SPOCK3: variants seen among roughly 807,000 people sequenced by gnomAD.
The protein encoded by SPOCK3 is SPARC (osteonectin), cwcv and kazal like domains proteoglycan 3.
A neutral mutation model predicts 56.6 loss-of-function variants in SPOCK3; 30 were observed. That is an observed-to-expected ratio of 0.53 (90% CI 0.40 to 0.72). The LOEUF (loss-of-function observed/expected upper bound fraction) is 0.72. SPOCK3 is among the 30% of genes least tolerant of loss of function. The pLI, the probability that SPOCK3 is intolerant of heterozygous loss-of-function variation, is 0.00. For missense variants in SPOCK3, 527 were observed against 530.0 expected (o/e 0.99, Z 0.06); for synonymous variants, 196 against 183.3 (o/e 1.07, Z -0.56).
intron 2 of SPOCK3, among the ~76,000 whole-genome samples, chr4:167,178,995 G>T (rs867975975): frequency 2.1e-4 from 32 of 152,144 alleles, no homozygotes; most frequent in South Asian, 4.1e-4. Context: ...TAAAAATTTT[G>T]CAAGCAGTTA....
intron 2 of SPOCK3, among the ~76,000 whole-genome samples, chr4:167,094,458 T>C (rs1165834673): frequency 3.9e-5 from 6 of 152,084 alleles, no homozygotes; most frequent in Admixed American, 6.6e-5. Flanking sequence ...TACAAGCTTG[T>C]TCAAAATTCA....
At chr4:167,177,404 C>A (rs1280861127) in intron 2 of SPOCK3, among the ~76,000 whole-genome samples, 1 of 152,008 alleles carries the variant, frequency 6.6e-6, no homozygotes, top group East Asian at 1.9e-4. Flanking sequence ...CACTGACATG[C>A]CTTCCAAGCA....
intron 2 of SPOCK3, among the ~76,000 whole-genome samples, chr4:167,067,432 T>C (rs1453697350): frequency 1.3e-5 from 2 of 151,824 alleles, no homozygotes; most frequent in Non-Finnish European, 2.9e-5. Flanking sequence ...ACACTTCAAA[T>C]ATGAAATGAA....
intron 4 of SPOCK3, among the ~76,000 whole-genome samples, chr4:166,938,482 T>C (rs1345553167): frequency 6.6e-6 from 1 of 151,734 alleles, no homozygotes; most frequent in African/African-American, 2.4e-5. Context: ...AAAAAATGTT[T>C]AGTAGGTAAT....
At chr4:166,840,150 C>T (rs190673963) in intron 6 of SPOCK3, among the ~76,000 whole-genome samples, 107 of 152,260 alleles carry the variant, frequency 7.0e-4, no homozygotes, top group Non-Finnish European at 1.2e-3. Context: ...TTATCTCCAG[C>T]GGAAGTGAAA....
At chr4:167,156,153 C>T (rs1388491442) in intron 2 of SPOCK3, among the ~76,000 whole-genome samples, 1 of 152,094 alleles carries the variant, frequency 6.6e-6, no homozygotes, top group Non-Finnish European at 1.5e-5. Flanking sequence ...ATTTTTAACG[C>T]TAAGTCTTCA....
At chr4:167,066,961 T>C (rs912032791) in intron 2 of SPOCK3, among the ~76,000 whole-genome samples, 1 of 151,848 alleles carries the variant, frequency 6.6e-6, no homozygotes, top group African/African-American at 2.4e-5. Flanking sequence ...GGTTCATTTG[T>C]GTCCACACAG....
intron 6 of SPOCK3, among the ~76,000 whole-genome samples, chr4:166,868,451 G>GT (rs1732102551): frequency 6.6e-6 from 1 of 151,968 alleles, no homozygotes; most frequent in East Asian, 1.9e-4. Context: ...GGGCAACACA[G>GT]TATGACCCTG....
chr4:167,119,703 G>T, intron 2 of SPOCK3: 1 of 884,940 alleles, frequency 1.1e-6, no homozygotes, highest in Non-Finnish European at 1.7e-6. Context: ...CACATTTGAA[G>T]TATTTAAATA....
chr4:167,234,824 A>C (rs542712307), upstream of SPOCK3: 5 of 152,702 alleles, frequency 3.3e-5, no homozygotes, highest in Non-Finnish European at 7.3e-5. Flanking sequence ...AGAGGTTCTC[A>C]TGTTCGCGAG....
intron 2 of SPOCK3, among the ~76,000 whole-genome samples, chr4:167,156,850 G>C (rs1032562175): frequency 2.6e-5 from 4 of 152,076 alleles, no homozygotes; most frequent in Non-Finnish European, 5.9e-5. Context: ...GGAAATTACA[G>C]GGCAAGATTT....
intron 6 of SPOCK3, among the ~76,000 whole-genome samples, chr4:166,843,592 T>A (rs1212262982): frequency 6.6e-6 from 1 of 152,100 alleles, no homozygotes; most frequent in Admixed American, 6.5e-5. Context: ...GCCAACCATC[T>A]GGGAGCTTGA....
At chr4:167,113,836 T>C (rs1051302260) in intron 2 of SPOCK3, among the ~76,000 whole-genome samples, 1 of 152,062 alleles carries the variant, frequency 6.6e-6, no homozygotes, top group Non-Finnish European at 1.5e-5. Flanking sequence ...AATGAATGTC[T>C]CAGCCTCTCT....
intron 9 of SPOCK3, among the ~76,000 whole-genome samples, chr4:166,738,521 A>C (rs1734466840): frequency 6.7e-6 from 1 of 149,824 alleles, no homozygotes. Context: ...CACAATGTGC[A>C]GGTTAGTTAC....
At chr4:166,807,408 C>A (rs899861479) in intron 6 of SPOCK3, among the ~76,000 whole-genome samples, 1 of 151,926 alleles carries the variant, frequency 6.6e-6, no homozygotes, top group African/African-American at 2.4e-5. Context: ...TGTTTAAGTG[C>A]AGAGTGACTG....
chr4:167,234,407 G>T (rs566609458), intron 1 of SPOCK3, 43 bp downstream of exon 1: 3 of 577,192 alleles, frequency 5.2e-6, no homozygotes, highest in Middle Eastern at 4.6e-4. Flanking sequence ...AGCCCCAGCC[G>T]CAGCAGCCCG....
chr4:166,809,045 AC>A (rs1053103753), intron 6 of SPOCK3, among the ~76,000 whole-genome samples: 12 of 152,240 alleles, frequency 7.9e-5, no homozygotes, highest in South Asian at 4.1e-4. Context: ...TTACAAAAAA[AC>A]ATGATAATTA....
intron 2 of SPOCK3, among the ~76,000 whole-genome samples, chr4:167,105,548 G>C (rs746136679): frequency 1.4e-5 from 2 of 138,620 alleles, no homozygotes; most frequent in Non-Finnish European, 3.1e-5. Context: ...CCAAGGAAGA[G>C]AGACCACAAA....
At chr4:166,853,516 T>A (rs948175100) in intron 6 of SPOCK3, among the ~76,000 whole-genome samples, 1 of 152,176 alleles carries the variant, frequency 6.6e-6, no homozygotes, top group Non-Finnish European at 1.5e-5. Context: ...CACAAAGGCA[T>A]TAAAACTCTC....
Sources: gnomAD v4.1 joint callset for allele counts (sites outside exome capture counted in the v4.1 genomes callset) on GRCh38, gnomAD v4.1.1 for gene constraint, MANE v1.5 for transcripts, NCBI Gene and HGNC (gene_info 2026-07-23, HGNC 2026-07-21) for gene names.